FSTL5: variants seen among roughly 807,000 people sequenced by gnomAD.
The protein encoded by FSTL5 is follistatin like 5, also known as follistatin-related protein 5.
In FSTL5, 62 loss-of-function variants were observed where a neutral mutation model predicts 89.1. The ratio of observed to expected loss-of-function variants is 0.70; its 90% confidence interval spans 0.57 to 0.86. The LOEUF is 0.86. FSTL5 is among the 40% of genes least tolerant of loss of function. FSTL5 has a pLI of 0.00. For synonymous variants in FSTL5, 383 were observed against 346.2 expected, an observed-to-expected ratio of 1.11 and a Z score of -1.18; for missense variants, 1,057 against 1,001.6, an observed-to-expected ratio of 1.06 and a Z score of -0.75.
intron 3 of FSTL5, among the ~76,000 whole-genome samples, chr4:162,001,350 T>G (rs1461823653): frequency 6.6e-6 from 1 of 152,142 alleles, no homozygotes; most frequent in African/African-American, 2.4e-5. Context: ...AGAGTAAAAT[T>G]GAAGAGATAT....
chr4:161,668,919 C>G (rs1736989305), intron 6 of FSTL5, among the ~76,000 whole-genome samples: 1 of 151,828 alleles, frequency 6.6e-6, no homozygotes, highest in Non-Finnish European at 1.5e-5. Flanking sequence ...CAAGACCAGC[C>G]TGGTCAACAT....
intron 15 of FSTL5, among the ~76,000 whole-genome samples, chr4:161,442,348 A>C (rs973346566): frequency 2.6e-5 from 4 of 152,076 alleles, no homozygotes; most frequent in Non-Finnish European, 4.4e-5. Flanking sequence ...TGGCCCCATC[A>C]ATAACTGTTA....
chr4:161,912,798 GA>G lies in FSTL5; in HGVS notation c.409+7605del, dbSNP rs1174343966. Among the ~76,000 whole-genome samples the G allele has an allele frequency of 2.0e-5, 3 of 152,242 alleles. No individual in the cohort carries two copies. In the East Asian group the frequency reaches 5.8e-4, roughly 30 times the overall value. On this transcript the variant is annotated intron_variant, in intron 4 of 15. Coordinates refer to ENST00000306100, the MANE Select transcript of FSTL5 (RefSeq NM_020116.5). ...AGACAGGAAAAGGTGGGAAAGTTTGGAAACTCCTAGCGACTTCTTGAATGGC... is the reference window on the plus strand; with the variant it reads ...AGACAGGAAAAGGTGGGAAAGTTTGGAACTCCTAGCGACTTCTTGAATGGC...
intron 15 of FSTL5, among the ~76,000 whole-genome samples, chr4:161,438,979 A>G (rs901277119): frequency 4.6e-5 from 7 of 151,690 alleles, no homozygotes; most frequent in South Asian, 4.1e-4. Context: ...TTTTTAACAC[A>G]TTGACAACTG....
intron 7 of FSTL5, 50 bp downstream of exon 7, chr4:161,656,278 A>G (rs17638339): frequency 0.18 from 184,273 of 1,017,922 alleles, 17,773 homozygotes; most frequent in East Asian, 0.29. Context: ...AGTCTGGAGT[A>G]TATCACATGA....
chr4:161,975,801 A>AAAT (rs1735622870), intron 3 of FSTL5, among the ~76,000 whole-genome samples: 1 of 135,038 alleles, frequency 7.4e-6, no homozygotes, highest in Non-Finnish European at 1.6e-5. Flanking sequence ...AAATAAAATA[A>AAAT]AAAATAAATA....
chr4:161,413,351 T>C (rs897833223), intron 15 of FSTL5, among the ~76,000 whole-genome samples: 1 of 134,252 alleles, frequency 7.4e-6, no homozygotes, highest in Non-Finnish European at 1.6e-5. Context: ...ATCACAGAAA[T>C]GCAAATCAAA....
chr4:162,022,090 CA>C (rs1737109373), intron 3 of FSTL5, among the ~76,000 whole-genome samples: 1 of 136,244 alleles, frequency 7.3e-6, no homozygotes, highest in Non-Finnish European at 1.6e-5. Context: ...GACTCTGTCT[CA>C]GGGAAAAAAA....
At chr4:161,492,369 T>C (rs1200042153) in intron 12 of FSTL5, among the ~76,000 whole-genome samples, 1 of 152,144 alleles carries the variant, frequency 6.6e-6, no homozygotes, top group Admixed American at 6.6e-5. Context: ...TAAACTACTG[T>C]AGAGGTATAC....
chr4:162,138,208 T>A (rs1044921332), intron 1 of FSTL5, among the ~76,000 whole-genome samples: 1 of 152,148 alleles, frequency 6.6e-6, no homozygotes. Context: ...TATGTGAAGT[T>A]CAATAATCCA....
chr4:161,635,410 T>A, intron 7 of FSTL5, among the ~76,000 whole-genome samples: 1 of 151,752 alleles, frequency 6.6e-6, no homozygotes, highest in East Asian at 1.9e-4. Flanking sequence ...CAAACAAAAT[T>A]ATATCTACCT....
intron 6 of FSTL5, among the ~76,000 whole-genome samples, chr4:161,705,975 T>TACACAC (rs1560800285): frequency 1.1e-5 from 1 of 89,294 alleles, no homozygotes; most frequent in African/African-American, 4.7e-5. Context: ...TATATATATA[T>TACACAC]ATATATATAT....
chr4:162,002,803 T>G (rs1159933426), intron 3 of FSTL5, among the ~76,000 whole-genome samples: 3 of 152,182 alleles, frequency 2.0e-5, no homozygotes, highest in African/African-American at 7.2e-5. Context: ...TGTTTTTTTT[T>G]TCATGTATGA....
intron 6 of FSTL5, among the ~76,000 whole-genome samples, chr4:161,743,953 C>G (rs1740107150): frequency 6.6e-6 from 1 of 152,132 alleles, no homozygotes; most frequent in Admixed American, 6.6e-5. Context: ...TATGCTTGCA[C>G]TCTTCCTTCT....
At chr4:161,683,901 C>T (rs774230289) in intron 6 of FSTL5, among the ~76,000 whole-genome samples, 1 of 152,172 alleles carries the variant, frequency 6.6e-6, no homozygotes, top group Non-Finnish European at 1.5e-5. Context: ...ACCTCCTTCC[C>T]AGTCTTTCCC....
rs1733795112 is a variant in FSTL5 at position 162,163,904 on chromosome 4, G to A, written c.-306C>T. On this transcript the variant is annotated 5_prime_UTR_variant, in exon 1 of 16. Transcript: ENST00000306100. The stretch of plus-strand genomic sequence containing the variant: ...AGGGTGCAAGAGGGCGTTGCCTTCA[G>A]GTGCTGGAGCAACTGGTCCGCTCGC... 6.6e-6 allele frequency: 1 copy of A among 152,356 alleles called. No homozygotes were observed. The highest frequency in any genetic ancestry group is 2.4e-5 in the African/African-American group (1 of 41,452). 9.4% of individuals were successfully genotyped at this position (152,356 alleles called of 1,614,324 possible).
intron 4 of FSTL5, among the ~76,000 whole-genome samples, chr4:161,798,138 G>A (rs1159767264): frequency 6.6e-6 from 1 of 151,546 alleles, no homozygotes; most frequent in Non-Finnish European, 1.5e-5. Flanking sequence ...ATGGCATACA[G>A]GTTAAGTAAT....
intron 7 of FSTL5, among the ~76,000 whole-genome samples, chr4:161,627,220 G>A (rs1346464677): frequency 6.6e-6 from 1 of 151,986 alleles, no homozygotes; most frequent in East Asian, 1.9e-4. Flanking sequence ...TTACAAAATT[G>A]CCACAGCCAC....
chr4:161,660,540 G>A (rs1399455744), intron 6 of FSTL5, among the ~76,000 whole-genome samples: 1 of 152,046 alleles, frequency 6.6e-6, no homozygotes, highest in Admixed American at 6.6e-5. Flanking sequence ...GTGTGTCATG[G>A]GGATTTGTTG....
Sources: allele counts gnomAD v4.1 joint callset (sites outside exome capture counted in the v4.1 genomes callset), GRCh38; gene constraint gnomAD v4.1.1; transcripts MANE v1.5; gene names NCBI Gene and HGNC (gene_info 2026-07-23, HGNC 2026-07-21).